The following AUH variants were observed in gnomAD, a reference collection of about 807,000 sequenced individuals.
AUH encodes methylglutaconyl-CoA hydratase, mitochondrial.
Under a neutral mutation model 42.3 loss-of-function variants are expected in AUH, and 29 were observed. The ratio of observed to expected loss-of-function variants is 0.69; its 90% CI spans 0.51 to 0.93. The LOEUF (loss-of-function observed/expected upper bound fraction) is 0.93, where lower values mean the gene tolerates loss of function less well. AUH is among the 40% of genes least tolerant of loss of function. The pLI, the probability that AUH is intolerant of heterozygous loss-of-function variation, is 0.00. For missense variants in AUH, 452 were observed against 438.1 expected (o/e 1.03, Z -0.28); for synonymous variants, 174 against 166.4 (o/e 1.05, Z -0.35).
chr9:91,314,830 A>C (rs1239832541), intron 4 of AUH, among the ~76,000 whole-genome samples: 1 of 152,218 alleles, frequency 6.6e-6, no homozygotes, highest in East Asian at 1.9e-4. Flanking sequence ...CTGTCAAAAC[A>C]ACCAACCAGC....
chr9:91,318,656 G>T (rs1008643293), intron 4 of AUH, among the ~76,000 whole-genome samples: 4 of 152,208 alleles, frequency 2.6e-5, no homozygotes, highest in African/African-American at 9.6e-5. Context: ...CAGCAAGACT[G>T]ACTGCGACTG....
At chr9:91,350,744 A>C (rs1831901805) in intron 3 of AUH, among the ~76,000 whole-genome samples, 1 of 149,434 alleles carries the variant, frequency 6.7e-6, no homozygotes, top group Non-Finnish European at 1.5e-5. Flanking sequence ...GGGTGACAGA[A>C]CATGATTTCA....
intron 6 of AUH, among the ~76,000 whole-genome samples, chr9:91,240,084 C>T (rs1587670914): frequency 1.3e-5 from 2 of 152,274 alleles, no homozygotes; most frequent in African/African-American, 2.4e-5. Context: ...AACAAAATTA[C>T]GCTTATTTTT....
intron 6 of AUH, among the ~76,000 whole-genome samples, chr9:91,279,727 C>T (rs1825819505): frequency 1.3e-5 from 2 of 152,140 alleles, no homozygotes; most frequent in South Asian, 4.1e-4. Context: ...GCCCCTCCTC[C>T]AACACTGCGG....
At chr9:91,247,265 A>C (rs1828850301) in intron 6 of AUH, among the ~76,000 whole-genome samples, 1 of 152,026 alleles carries the variant, frequency 6.6e-6, no homozygotes. Context: ...CGATAGTGCT[A>C]CTCTGCAAGA....
chr9:91,279,631 CA>C (rs375059339), intron 6 of AUH, among the ~76,000 whole-genome samples: 14 of 152,148 alleles, frequency 9.2e-5, no homozygotes, highest in African/African-American at 3.4e-4. Context: ...ACAACCAGAT[CA>C]CCTGTGAACT....
rs549963002 is a variant in AUH at position 91,272,577 on chromosome 9, G to A, written c.655+23444C>T. Among the ~76,000 whole-genome samples, 72 of 152,230 alleles carry A rather than the reference G, an allele frequency of 4.7e-4. 1 individual carries two copies. Among genetic ancestry groups the A allele is most frequent in the South Asian group, 2.5e-3 (12 of 4,822 alleles). ...CATCAGGATTCATCTGAAAACACCC[G>A]ATACCCATTCTAATAACCTTCTCAT... On this transcript the variant is annotated intron_variant, in intron 6 of 9. Coordinates refer to ENST00000375731, the MANE Select transcript of AUH (RefSeq NM_001698.3).
In AUH at chr9:91,357,413, G is replaced by C. The variant is rs1832498388; in HGVS notation, c.263-1258C>G. ...ACTGTGTTACACTGTTCAAGCTTCA[G>C]TTTCCTCAGGAAGAAAATCAAGCAG... is the stretch of plus-strand genomic sequence containing the variant. On this transcript the variant is annotated intron_variant, in intron 1 of 9. Coordinates refer to ENST00000375731, the MANE Select transcript of AUH (RefSeq NM_001698.3). 3 of 807,692 alleles carry C rather than the reference G, an allele frequency of 3.7e-6. No individual in the cohort carries two copies. In the African/African-American group the frequency reaches 5.6e-5, roughly 15 times the overall value. 50.0% of individuals were successfully genotyped at this position (807,692 alleles called of 1,614,324 possible).
intron 4 of AUH, among the ~76,000 whole-genome samples, chr9:91,324,616 C>A: frequency 1.5e-5 from 2 of 136,992 alleles, no homozygotes; most frequent in East Asian, 2.1e-4. Flanking sequence ...TGGGGCAATA[C>A]AAATTAAAAT....
chr9:91,312,958 A>T (rs1587835859), intron 4 of AUH, among the ~76,000 whole-genome samples: 2 of 152,362 alleles, frequency 1.3e-5, no homozygotes, highest in East Asian at 3.9e-4. Context: ...AAATAGAATA[A>T]AAGTTCCCAT....
chr9:91,300,588 T>C (rs1421052643), intron 4 of AUH, among the ~76,000 whole-genome samples: 1 of 152,222 alleles, frequency 6.6e-6, no homozygotes, highest in Non-Finnish European at 1.5e-5. Context: ...AGGGTAATCT[T>C]TCTAAAATGT....
intron 6 of AUH, among the ~76,000 whole-genome samples, chr9:91,288,993 A>T (rs969842405): frequency 1.3e-5 from 2 of 152,204 alleles, no homozygotes; most frequent in African/African-American, 4.8e-5. Context: ...AAAACAAAAC[A>T]AAACACTATT....
At chr9:91,215,841 G>C (rs921296152) in intron 9 of AUH, among the ~76,000 whole-genome samples, 4 of 152,128 alleles carry the variant, frequency 2.6e-5, no homozygotes, top group African/African-American at 9.7e-5. Flanking sequence ...GTTACTCTAA[G>C]AGTTTTCTAG....
At chr9:91,280,264 ATCT>A (rs1825861397) in intron 6 of AUH, among the ~76,000 whole-genome samples, 1 of 152,244 alleles carries the variant, frequency 6.6e-6, no homozygotes, top group Non-Finnish European at 1.5e-5. Context: ...GTCTTTCAAC[ATCT>A]GCTTTCTAGA....
At chr9:91,230,605 G>A (rs997169394) in intron 6 of AUH, among the ~76,000 whole-genome samples, 52 of 152,312 alleles carry the variant, frequency 3.4e-4, no homozygotes, top group African/African-American at 1.2e-3. Flanking sequence ...GAGGAGCTGC[G>A]TTCCTTTGGA....
At position 91,238,644 on chromosome 9, in the gene AUH, T is replaced by C. The variant is rs749896120; in HGVS notation, c.656-17652A>G. 1.3e-3 allele frequency among the ~76,000 whole-genome samples: 195 copies of C among 152,254 alleles called. 4 individuals are homozygous for C. Among genetic ancestry groups the C allele is most frequent in the Admixed American group, 1.1e-3 (17 of 15,286 alleles). ...AGATATACTTGAAATGTAATATTAC[T>C]GTTTATTATTTTTCCTTCATTTAAT... On this transcript the variant is annotated intron_variant, in intron 6 of 9. Coordinates refer to ENST00000375731, the MANE Select transcript of AUH (RefSeq NM_001698.3).
chr9:91,232,329 T>C (rs544198513), intron 6 of AUH, among the ~76,000 whole-genome samples: 217 of 152,296 alleles, frequency 1.4e-3, no homozygotes, highest in African/African-American at 5.1e-3. Context: ...GCTATGATTA[T>C]GCCACTGCAG....
chr9:91,250,298 C>T (rs1829055540), intron 6 of AUH, among the ~76,000 whole-genome samples: 1 of 152,114 alleles, frequency 6.6e-6, no homozygotes, highest in Non-Finnish European at 1.5e-5. Flanking sequence ...TCTCACTCCT[C>T]TGAAAAATTC....
intron 4 of AUH, among the ~76,000 whole-genome samples, chr9:91,299,176 G>A (rs765787837): frequency 2.0e-5 from 3 of 152,162 alleles, no homozygotes; most frequent in Non-Finnish European, 4.4e-5. Flanking sequence ...CCAAGATCGT[G>A]CCATTGCACT....
Sources: allele counts gnomAD v4.1 joint callset (sites outside exome capture counted in the v4.1 genomes callset), GRCh38; gene constraint gnomAD v4.1.1; transcripts MANE v1.5; gene names NCBI Gene and HGNC (gene_info 2026-07-23, HGNC 2026-07-21).